Variants in UHRF1 observed in about 807,000 individuals in gnomAD.
The protein encoded by UHRF1 is ubiquitin like with PHD and ring finger domains 1.
Under a neutral mutation model 96.5 loss-of-function variants are expected in UHRF1, and 9 were observed. The observed-to-expected ratio is 0.09, with a 90% CI of 0.06 to 0.16. UHRF1 has a LOEUF of 0.16. Among genes scored for constraint, UHRF1 ranks in the 10% least tolerant of loss-of-function variants. The pLI, the probability that UHRF1 is intolerant of heterozygous loss-of-function variation, is 1.00. For synonymous variants in UHRF1, 455 were observed against 469.9 expected (o/e 0.97, Z 0.41); for missense variants, 626 against 1,131.1 (o/e 0.55, Z 6.40).
intron 4 of UHRF1, among the ~76,000 whole-genome samples, chr19:4,931,143 T>C (rs902748472): frequency 6.6e-6 from 1 of 152,178 alleles, no homozygotes; most frequent in African/African-American, 2.4e-5. Context: ...TCTGTTTTAT[T>C]CCATCTTCCG....
chr19:4,908,433 A>G (rs1338533287), upstream of UHRF1, among the ~76,000 whole-genome samples: 1 of 152,064 alleles, frequency 6.6e-6, no homozygotes, highest in Non-Finnish European at 1.5e-5. Flanking sequence ...GTGGCCTTCA[A>G]GGTATTATAT....
intron 15 of UHRF1, among the ~76,000 whole-genome samples, chr19:4,956,271 T>C (rs1326659006): frequency 6.6e-6 from 1 of 152,196 alleles, no homozygotes; most frequent in African/African-American, 2.4e-5. Flanking sequence ...CTCACTGTAT[T>C]GCCGGGCTGG....
chr19:4,930,171 C>T lies in UHRF1; in HGVS notation c.409-545C>T, dbSNP rs11880258. 0.066 allele frequency among the ~76,000 whole-genome samples: 10,060 copies of T among 152,142 alleles called. 1,053 individuals carry two copies. The highest frequency in any genetic ancestry group is 0.22 in the African/African-American group (9,281 of 41,478). ...TGTATTTTTTGTAGAGACGGGATTT[C>T]GCCATGTTGGCCAGGCTAGTCTTGA... On this transcript the variant is annotated intron_variant, in intron 3 of 16. Transcript: ENST00000650932. This position sits in a 1 kb window ranked among gnomAD's most constrained non-coding sequence, Gnocchi z 4.4.
chr19:4,947,604 G>C (rs970776579), intron 11 of UHRF1, among the ~76,000 whole-genome samples: 1 of 143,536 alleles, frequency 7.0e-6, no homozygotes, highest in South Asian at 2.3e-4. Flanking sequence ...GGGCTCAAGC[G>C]ATTCTCATGC....
At chr19:4,925,971 C>T (rs1348794340) in intron 2 of UHRF1, among the ~76,000 whole-genome samples, 1 of 151,942 alleles carries the variant, frequency 6.6e-6, no homozygotes, top group Non-Finnish European at 1.5e-5. Context: ...AATCTCGGCT[C>T]ACTGCAACTT....
At chr19:4,959,065 ACTC>A (rs140586030) in intron 16 of UHRF1, among the ~76,000 whole-genome samples, 4,937 of 151,562 alleles carry the variant, frequency 0.033, 283 homozygotes, top group African/African-American at 0.11. Context: ...GCAGCCTTGA[ACTC>A]CTCGCGGGGC....
At chr19:4,959,742 G>A (rs146933888) in intron 16 of UHRF1, among the ~76,000 whole-genome samples, 37 of 152,116 alleles carry the variant, frequency 2.4e-4, no homozygotes, top group African/African-American at 4.8e-4. Context: ...TTGCTTTGTC[G>A]CTCAGGCTGG....
At chr19:4,925,126 C>A (rs2032827205) in intron 2 of UHRF1, among the ~76,000 whole-genome samples, 1 of 152,152 alleles carries the variant, frequency 6.6e-6, no homozygotes, top group South Asian at 2.1e-4. Flanking sequence ...TGTGCCTGGC[C>A]TGCTTCATGT....
rs796399928 is a variant in UHRF1 at position 4,936,835 on chromosome 19, AC to A, written c.785+3880del. On this transcript the variant is annotated intron_variant, in intron 5 of 16. Transcript: ENST00000650932. ...AAAAAAAAAGTGAAAAGAAAAAAAA[AC>A]AGGCTGTGTACCCTTTATTCAGTTT... Among the ~76,000 whole-genome samples, 240 of 152,056 alleles carry A rather than the reference AC, an allele frequency of 1.6e-3. 1 individual carries two copies. Among genetic ancestry groups the A allele is most frequent in the African/African-American group, 5.2e-3 (216 of 41,450 alleles).
Position 4,941,558 on chromosome 19 carries a change from C to A in UHRF1, c.816C>A (p.Ile272=), listed in dbSNP as rs1337027536. The A allele has an allele frequency of 6.2e-7, 1 of 1,613,704 alleles. No homozygotes were observed. The highest frequency in any genetic ancestry group is 8.5e-7 in the Non-Finnish European group (1 of 1,179,778). The change falls in exon 6 of 17, where the codon ATC becomes ATA. Residue 272 remains isoleucine, a synonymous_variant. Coordinates refer to ENST00000650932, the MANE Select transcript of UHRF1 (RefSeq NM_001048201.3). Reference sequence around the variant, plus strand: ...ATTCTCTGAACGACTGTCGGATCATCTTCGTGGACGAAGTCTTCAAGATTG... The same window carrying A: ...ATTCTCTGAACGACTGTCGGATCATATTCGTGGACGAAGTCTTCAAGATTG... ...GDDSLNDCRI[I]FVDEVFKIER... is the part of the protein sequence containing the mutation.
At position 4,954,821 on chromosome 19, in the gene UHRF1, C is replaced by G. The variant is rs758518832; in HGVS notation, c.2129C>G (p.Pro710Arg). The change falls in exon 15 of 17, where the codon CCG becomes CGG. Residue 710 changes from proline to arginine, a missense_variant and splice_region_variant. Physicochemically the swap from Pro to Arg is moderately radical, Grantham distance 103. Coordinates refer to ENST00000650932, the MANE Select transcript of UHRF1 (RefSeq NM_001048201.3). This position sits in a 1 kb window ranked among gnomAD's most constrained non-coding sequence, Gnocchi z 5.9. ...SLKDRPASGS[P>R]FQLFLSKVEE... ...AAGGACCGGCCGGCGAGCGGCAGCCCGGTAGGCTCGCACGGCTCACTCGTC... is the reference window on the plus strand; with the variant it reads ...AAGGACCGGCCGGCGAGCGGCAGCCGGGTAGGCTCGCACGGCTCACTCGTC... 6.2e-7 allele frequency: 1 copy of G among 1,613,456 alleles called. No homozygotes were observed. Among genetic ancestry groups the G allele is most frequent in the African/African-American group, 1.3e-5 (1 of 74,916 alleles).
At chr19:4,913,123 G>A (rs562565612) in intron 2 of UHRF1, among the ~76,000 whole-genome samples, 1 of 152,130 alleles carries the variant, frequency 6.6e-6, no homozygotes, top group Admixed American at 6.5e-5. Context: ...CTACATCCAT[G>A]CAACCCAAAA....
chr19:4,940,315 C>G (rs1421664764), intron 5 of UHRF1, among the ~76,000 whole-genome samples: 2 of 125,012 alleles, frequency 1.6e-5, no homozygotes, highest in African/African-American at 5.8e-5. Flanking sequence ...CACAGGAGTT[C>G]TTGTATTTTG....
chr19:4,955,394 GTC>G (rs1157697050), intron 15 of UHRF1, among the ~76,000 whole-genome samples: 1 of 152,020 alleles, frequency 6.6e-6, no homozygotes, highest in African/African-American at 2.4e-5. Context: ...CAGTCTCTGA[GTC>G]TCACTCTCCC....
Position 4,954,299 on chromosome 19 carries a change from T to G in UHRF1, c.1819-51T>G. On this transcript the variant is annotated intron_variant, in intron 13 of 16. Coordinates refer to ENST00000650932, the MANE Select transcript of UHRF1 (RefSeq NM_001048201.3). The surrounding 1 kb of genome is among the most constrained non-coding windows in gnomAD (Gnocchi z 5.9). The stretch of plus-strand genomic sequence containing the variant: ...GGAGGCTGGAAGAGCGGGCTCTGCA[T>G]AGCGTGTGGGCCCCAAGCCTGACTC... 6.3e-7 allele frequency: 1 copy of G among 1,595,750 alleles called. No homozygotes were observed. Among genetic ancestry groups the G allele is most frequent in the Non-Finnish European group, 8.5e-7 (1 of 1,172,444 alleles).
intron 13 of UHRF1, among the ~76,000 whole-genome samples, chr19:4,951,318 C>T (rs1472765029): frequency 3.9e-5 from 6 of 152,130 alleles, no homozygotes; most frequent in East Asian, 1.9e-4. Flanking sequence ...CCCGCCTGGG[C>T]ACCATGTGTC....
intron 4 of UHRF1, among the ~76,000 whole-genome samples, chr19:4,932,175 A>C (rs560897961): frequency 1.3e-5 from 2 of 152,306 alleles, no homozygotes; most frequent in East Asian, 3.9e-4. Flanking sequence ...TGCCTGCCTC[A>C]GCCTCCCAAA....
intron 15 of UHRF1, 91 bp from the exon 16 acceptor site, chr19:4,956,618 A>G: frequency 1.3e-6 from 1 of 790,454 alleles, no homozygotes; most frequent in South Asian, 1.5e-5. Context: ...ACAGAATTAG[A>G]GGACCCAGGT....
chr19:4,937,293 CTTTTTTTTT>C (rs11411657), intron 5 of UHRF1, among the ~76,000 whole-genome samples: 2 of 125,440 alleles, frequency 1.6e-5, no homozygotes, highest in Admixed American at 8.5e-5. Context: ...AGATGGGCCA[CTTTTTTTTT>C]TTTTTTTTTT....
Sources: gnomAD v4.1 joint callset for allele counts (sites outside exome capture counted in the v4.1 genomes callset) on GRCh38, gnomAD v4.1.1 for gene constraint, Gnocchi (gnomAD v3.1) non-coding constraint, MANE v1.5 for transcripts, NCBI Gene and HGNC (gene_info 2026-07-23, HGNC 2026-07-21) for gene names.